Variants in SNTG1 observed in about 807,000 individuals in gnomAD.
SNTG1 encodes the protein gamma-1-syntrophin.
SNTG1 carries 39 observed loss-of-function variants against 74.7 expected under a neutral mutation model. That is an observed-to-expected ratio of 0.52 (90% CI 0.40 to 0.68). The LOEUF (loss-of-function observed/expected upper bound fraction) is 0.68. SNTG1 is among the 30% of genes least tolerant of loss of function. SNTG1 has a pLI of 0.00. For missense variants in SNTG1, 685 were observed against 609.5 expected (o/e 1.12, Z -1.30); for synonymous variants, 254 against 217.1 (o/e 1.17, Z -1.49).
At chr8:50,473,751 C>A (rs1328613812) in intron 8 of SNTG1, among the ~76,000 whole-genome samples, 1 of 152,048 alleles carries the variant, frequency 6.6e-6, no homozygotes, top group Admixed American at 6.6e-5. Flanking sequence ...GAAGGAAATC[C>A]TTTTACATGA....
intron 12 of SNTG1, among the ~76,000 whole-genome samples, chr8:50,583,405 A>G (rs2094624561): frequency 6.6e-6 from 1 of 151,718 alleles, no homozygotes. Flanking sequence ...AAAAAAAAAA[A>G]AAAAAAAAAG....
chr8:50,450,724 G>C lies in SNTG1; in HGVS notation c.358G>C (p.Glu120Gln). 1 of 1,612,874 alleles carries C rather than the reference G, an allele frequency of 6.2e-7. No homozygotes were observed. The highest frequency in any genetic ancestry group is 8.5e-7 in the Non-Finnish European group (1 of 1,179,682). Residue 120 changes from glutamate to glutamine, a missense_variant, in exon 8 of 19, where the codon GAA becomes CAA. Transcript: ENST00000642720. ...TAATGTGAGAAAATGTAGACATGAA[G>C]AAGTGGTGAGTTTACTTTTTCCTAA... ...GINVRKCRHE[E>Q]VVQVLRNAGE...
At chr8:50,383,254 T>G (rs1306733893) in intron 2 of SNTG1, among the ~76,000 whole-genome samples, 1 of 152,150 alleles carries the variant, frequency 6.6e-6, no homozygotes, top group Non-Finnish European at 1.5e-5. Flanking sequence ...ACAACAGTCC[T>G]TTGTATAATC....
At chr8:50,530,480 T>C (rs1259972743) in intron 10 of SNTG1, among the ~76,000 whole-genome samples, 2 of 152,192 alleles carry the variant, frequency 1.3e-5, no homozygotes, top group African/African-American at 4.8e-5. Context: ...AAGCAATAGA[T>C]ACTATTAACT....
chr8:50,145,890 A>G (rs1019009822), intron 1 of SNTG1, among the ~76,000 whole-genome samples: 1 of 151,754 alleles, frequency 6.6e-6, no homozygotes, highest in African/African-American at 2.4e-5. Context: ...ATAATATAGC[A>G]TATTCAAATT....
intron 1 of SNTG1, among the ~76,000 whole-genome samples, chr8:50,067,637 T>C (rs1821004979): frequency 6.6e-6 from 1 of 152,220 alleles, no homozygotes. Flanking sequence ...GACTCATGTA[T>C]TATTTTTGTT....
At chr8:50,689,726 C>T (rs1331577605) in intron 15 of SNTG1, among the ~76,000 whole-genome samples, 1 of 152,176 alleles carries the variant, frequency 6.6e-6, no homozygotes, top group Admixed American at 6.5e-5. Context: ...CGTTGTGTCT[C>T]TGCCAGGCTT....
chr8:50,751,091 C>A (rs931050874), intron 17 of SNTG1, among the ~76,000 whole-genome samples: 1 of 152,024 alleles, frequency 6.6e-6, no homozygotes, highest in Non-Finnish European at 1.5e-5. Flanking sequence ...CATAAGAAAT[C>A]ATTTAAAAAA....
chr8:50,235,312 G>A (rs141644758), intron 2 of SNTG1, among the ~76,000 whole-genome samples: 1 of 152,230 alleles, frequency 6.6e-6, no homozygotes, highest in East Asian at 1.9e-4. Context: ...TGAATGTGGA[G>A]GGCATTATGT....
At chr8:50,454,071 C>T (rs2093480343) in intron 8 of SNTG1, among the ~76,000 whole-genome samples, 1 of 152,194 alleles carries the variant, frequency 6.6e-6, no homozygotes, top group South Asian at 2.1e-4. Flanking sequence ...GATCTATTGC[C>T]ACTACTGATG....
chr8:50,178,185 G>T (rs192266078), intron 2 of SNTG1, among the ~76,000 whole-genome samples: 1 of 152,268 alleles, frequency 6.6e-6, no homozygotes, highest in Admixed American at 6.5e-5. Flanking sequence ...CATTGGTAAT[G>T]CTTAGTAGCA....
intron 11 of SNTG1, among the ~76,000 whole-genome samples, chr8:50,547,583 T>C (rs1380911480): frequency 6.6e-6 from 1 of 152,118 alleles, no homozygotes; most frequent in Non-Finnish European, 1.5e-5. Flanking sequence ...TATTTAATGA[T>C]ATGAATTTAT....
At chr8:50,588,198 A>G (rs962588226) in intron 12 of SNTG1, among the ~76,000 whole-genome samples, 2 of 152,156 alleles carry the variant, frequency 1.3e-5, no homozygotes, top group African/African-American at 2.4e-5. Flanking sequence ...AAATGTTAGT[A>G]TAAGTACTAA....
intron 2 of SNTG1, among the ~76,000 whole-genome samples, chr8:50,176,359 T>A (rs557536416): frequency 6.6e-6 from 1 of 152,202 alleles, no homozygotes; most frequent in Non-Finnish European, 1.5e-5. Context: ...TCTCTATTTC[T>A]AGTGTTGTCT....
chr8:50,080,485 G>A (rs1361745044), intron 1 of SNTG1, among the ~76,000 whole-genome samples: 1 of 152,106 alleles, frequency 6.6e-6, no homozygotes, highest in Non-Finnish European at 1.5e-5. Flanking sequence ...TGTGTTGTCT[G>A]TCATTTGCTA....
At chr8:50,254,315 T>C (rs1308854655) in intron 2 of SNTG1, among the ~76,000 whole-genome samples, 1 of 152,178 alleles carries the variant, frequency 6.6e-6, no homozygotes, top group Non-Finnish European at 1.5e-5. Flanking sequence ...GTAAGATGTT[T>C]TGGTTAGATG....
intron 1 of SNTG1, among the ~76,000 whole-genome samples, chr8:50,044,938 TA>T (rs907290579): frequency 6.6e-6 from 1 of 152,182 alleles, no homozygotes; most frequent in African/African-American, 2.4e-5. Flanking sequence ...AAATAGTGTC[TA>T]AAATATAGGA....
chr8:50,099,003 T>C (rs922664700), intron 1 of SNTG1, among the ~76,000 whole-genome samples: 9 of 152,196 alleles, frequency 5.9e-5, no homozygotes, highest in Non-Finnish European at 1.2e-4. Flanking sequence ...CATCTAGAGG[T>C]TACAGAAGGC....
chr8:50,609,693 T>C (rs986846384), intron 13 of SNTG1, among the ~76,000 whole-genome samples: 2 of 152,132 alleles, frequency 1.3e-5, no homozygotes, highest in African/African-American at 4.8e-5. Flanking sequence ...TTTCCAAAGG[T>C]CTCTAAACCT....
Sources: allele counts gnomAD v4.1 joint callset (sites outside exome capture counted in the v4.1 genomes callset), GRCh38; gene constraint gnomAD v4.1.1; transcripts MANE v1.5; gene names NCBI Gene and HGNC (gene_info 2026-07-23, HGNC 2026-07-21).